The following CLUL1 variants were observed in gnomAD, a reference collection of about 807,000 sequenced individuals.
CLUL1 encodes the protein clusterin-like protein 1.
Under a neutral mutation model 49.4 loss-of-function variants are expected in CLUL1, and 43 were observed. The observed-to-expected ratio is 0.87, with a 90% CI of 0.68 to 1.12. CLUL1 has a LOEUF of 1.12. Among genes scored for constraint, CLUL1 ranks in the 50% most tolerant of loss-of-function variants. CLUL1 has a pLI of 0.00. For missense variants in CLUL1, 486 were observed against 544.4 expected, an observed-to-expected ratio of 0.89 and a Z score of 1.07; for synonymous variants, 192 against 184.9, an observed-to-expected ratio of 1.04 and a Z score of -0.31.
intron 7 of CLUL1, among the ~76,000 whole-genome samples, chr18:637,457 T>C (rs2074179066): frequency 6.6e-6 from 1 of 152,182 alleles, no homozygotes; most frequent in South Asian, 2.1e-4. Context: ...CCCCCTTCTT[T>C]TGAAAGCAGA....
At chr18:612,173 G>A (rs1048347547) in intron 2 of CLUL1, among the ~76,000 whole-genome samples, 1 of 152,218 alleles carries the variant, frequency 6.6e-6, no homozygotes, top group African/African-American at 2.4e-5. Flanking sequence ...GACAACAACA[G>A]TGGCCTTTTA....
intron 6 of CLUL1, among the ~76,000 whole-genome samples, chr18:632,211 TA>T (rs879743585): frequency 6.6e-6 from 1 of 152,198 alleles, no homozygotes; most frequent in Non-Finnish European, 1.5e-5. Flanking sequence ...TTAATTCTCC[TA>T]GGGGAAAAAA....
chr18:605,699 A>C (rs1458050795), intron 1 of CLUL1, among the ~76,000 whole-genome samples: 1 of 152,128 alleles, frequency 6.6e-6, no homozygotes, highest in Non-Finnish European at 1.5e-5. Context: ...ATTTTTGAGA[A>C]AGGGTCTTGC....
intron 6 of CLUL1, among the ~76,000 whole-genome samples, chr18:631,630 A>G (rs1353892017): frequency 6.6e-6 from 1 of 152,206 alleles, no homozygotes; most frequent in Non-Finnish European, 1.5e-5. Context: ...CATACCAGGT[A>G]TTAATCTAGA....
chr18:631,616 T>C (rs1208745013), intron 6 of CLUL1, among the ~76,000 whole-genome samples: 1 of 152,140 alleles, frequency 6.6e-6, no homozygotes, highest in African/African-American at 2.4e-5. Context: ...TCATCCTTGG[T>C]GTACATACCA....
At chr18:629,783 A>G (rs1365782239) in intron 6 of CLUL1, among the ~76,000 whole-genome samples, 1 of 152,222 alleles carries the variant, frequency 6.6e-6, no homozygotes, top group Admixed American at 6.5e-5. Flanking sequence ...CAGACAGTAC[A>G]CAGAAGCTAC....
chr18:610,675 G>A lies in CLUL1; in HGVS notation c.-14+3576G>A, dbSNP rs73942577. 4.4e-3 allele frequency among the ~76,000 whole-genome samples: 667 copies of A among 152,214 alleles called. 5 individuals are homozygous for A. The highest frequency in any genetic ancestry group is 0.02 in the Middle Eastern group (6 of 294). ...AAGGGTCAGGAATGAGACTGAGCAG[G>A]TGTCATGTGTCTGACACCAGAGCCT... On this transcript the variant is annotated intron_variant, in intron 2 of 9. Transcript: ENST00000692774.
chr18:624,808 T>C lies in CLUL1; in HGVS notation c.256-57T>C, dbSNP rs1598424783. ...ATACATTTCAAAGGGTGAAATCAAC[T>C]AAGGTGCACATAGATTATGAAATGG... On this transcript the variant is annotated intron_variant, in intron 4 of 9. Transcript: ENST00000692774. 3.3e-6 allele frequency: 5 copies of C among 1,534,482 alleles called. No individual in the cohort carries two copies. In the East Asian group the frequency reaches 6.8e-5, roughly 21 times the overall value.
At chr18:646,505 C>G (rs1351326400) in intron 9 of CLUL1, among the ~76,000 whole-genome samples, 79 of 86,388 alleles carry the variant, frequency 9.1e-4, no homozygotes, top group African/African-American at 3.5e-3. Context: ...TAGACACACA[C>G]ACACACACAC....
At position 619,226 on chromosome 18, in the gene CLUL1, G is replaced by T. The variant is rs376056157; in HGVS notation, c.120G>T (p.Val40=). The T allele has an allele frequency of 1.2e-6, 2 of 1,613,254 alleles. No individual in the cohort carries two copies. The highest frequency in any genetic ancestry group is 2.2e-5 in the South Asian group (2 of 90,888). The part of the protein sequence containing the change: ...ISENLKSFSE[V]GEIDADEEVK... ...CATGTCTTTTAGGTTTTTCTGAGGT[G>T]GGGGAGATAGATGCAGATGAAGAGG... The change falls in exon 4 of 10, where the codon GTG becomes GTT. Residue 40 remains valine (V), a synonymous_variant. Coordinates refer to ENST00000692774, the MANE Select transcript of CLUL1 (RefSeq NM_001393344.1).
chr18:616,967 T>C (rs958949793), intron 2 of CLUL1, among the ~76,000 whole-genome samples: 1 of 152,226 alleles, frequency 6.6e-6, no homozygotes. Context: ...ATAGTAAATA[T>C]ACGTAAAGCA....
chr18:598,237 T>C (rs777514108), intron 1 of CLUL1: 2 of 268,644 alleles, frequency 7.4e-6, no homozygotes, highest in Non-Finnish European at 6.9e-6. Flanking sequence ...AATGATGAAC[T>C]ACCATGGGAA....
intron 5 of CLUL1, among the ~76,000 whole-genome samples, chr18:626,543 T>C (rs1186254224): frequency 6.6e-6 from 1 of 151,920 alleles, no homozygotes; most frequent in Non-Finnish European, 1.5e-5. Context: ...CTACTGTAAG[T>C]TGACTTTAAA....
In CLUL1 at chr18:627,178, A is replaced by G. The variant is rs769733682; in HGVS notation, c.505A>G (p.Lys169Glu). Residue 169 changes from lysine to glutamate, a missense_variant, in exon 6 of 10, where the codon AAG (lysine) becomes GAG (glutamate). Lys to Glu is a moderately conservative substitution (Grantham distance 56). Transcript: ENST00000692774. ...TGAAAAAGATCTCCCCATCAGTGAAAAGCTCATTGAGGAAGATGCACAATT... is the reference window on the plus strand; with the variant it reads ...TGAAAAAGATCTCCCCATCAGTGAAGAGCTCATTGAGGAAGATGCACAATT... ...DNEKDLPISEKLIEEDAQLTQ... is the reference protein window; with the variant it reads ...DNEKDLPISEELIEEDAQLTQ... The G allele has an allele frequency of 6.2e-7, 1 of 1,612,672 alleles. No homozygotes were observed. The highest frequency in any genetic ancestry group is 8.5e-7 in the Non-Finnish European group (1 of 1,179,002).
chr18:632,385 AAAG>A (rs1284475947), intron 6 of CLUL1, among the ~76,000 whole-genome samples: 1 of 152,166 alleles, frequency 6.6e-6, no homozygotes, highest in East Asian at 1.9e-4. Context: ...AAATGCAAAA[AAAG>A]AATAGTAATA....
chr18:614,080 G>A (rs777463965), intron 2 of CLUL1, among the ~76,000 whole-genome samples: 7 of 152,318 alleles, frequency 4.6e-5, no homozygotes, highest in Admixed American at 1.3e-4. Context: ...TGAGACAATC[G>A]TGTGGCAAGG....
At chr18:613,109 A>G in intron 2 of CLUL1, 1 of 392,498 alleles carries the variant, frequency 2.5e-6, no homozygotes, top group Non-Finnish European at 4.5e-6. Context: ...TACTTTTGCT[A>G]CTTATGTTAT....
chr18:631,406 A>G (rs886425885), intron 6 of CLUL1, among the ~76,000 whole-genome samples: 1 of 152,160 alleles, frequency 6.6e-6, no homozygotes, highest in Non-Finnish European at 1.5e-5. Context: ...ATGCTGCCTT[A>G]GAGAGTGTTA....
At chr18:611,234 CTTTTT>C (rs57499796) in intron 2 of CLUL1, among the ~76,000 whole-genome samples, 2 of 129,424 alleles carry the variant, frequency 1.5e-5, no homozygotes. Flanking sequence ...CACCCCCCAC[CTTTTT>C]TTTTTTTTTT....
Sources: allele counts gnomAD v4.1 joint callset (sites outside exome capture counted in the v4.1 genomes callset), GRCh38; gene constraint gnomAD v4.1.1; transcripts MANE v1.5; gene names NCBI Gene and HGNC (gene_info 2026-07-23, HGNC 2026-07-21).